TTC7B: variants seen among roughly 807,000 people sequenced by gnomAD.
TTC7B encodes tetratricopeptide repeat domain 7B.
TTC7B carries 28 observed loss-of-function variants against 106.8 expected under a neutral mutation model. The observed-to-expected ratio is 0.26, with a 90% confidence interval of 0.19 to 0.36. TTC7B has a LOEUF of 0.36. TTC7B is among the 10% of genes least tolerant of loss of function. TTC7B has a pLI of 1.00. For missense variants in TTC7B, 862 were observed against 1,076.4 expected (o/e 0.80, Z 2.79); for synonymous variants, 405 against 430.6 (o/e 0.94, Z 0.74).
chr14:90,701,796 G>GTATATATATATATA (rs138397501), intron 5 of TTC7B, among the ~76,000 whole-genome samples: 1 of 118,918 alleles, frequency 8.4e-6, no homozygotes, highest in Admixed American at 8.4e-5. Context: ...GTGTGTGTGT[G>GTATATATATATATA]TATATATATA....
intron 15 of TTC7B, among the ~76,000 whole-genome samples, chr14:90,641,021 G>A (rs1382207883): frequency 1.3e-5 from 2 of 152,144 alleles, no homozygotes; most frequent in Non-Finnish European, 2.9e-5. Flanking sequence ...CCAGAGTAGT[G>A]AGCCTATTTT....
Position 90,807,424 on chromosome 14 carries a change from G to A in TTC7B, c.121+8751C>T, listed in dbSNP as rs2140062621. On this transcript the variant is annotated intron_variant, in intron 1 of 19. Coordinates refer to ENST00000328459, the MANE Select transcript of TTC7B (RefSeq NM_001010854.2). The surrounding 1 kb of genome is among the most constrained non-coding windows in gnomAD (Gnocchi z 4.1). ...TAATCACTTGGGGCCCTGGGATCCT[G>A]CTTCCTGAGTCCCTAAACCACTAAG... Among the ~76,000 whole-genome samples, 1 of 152,324 alleles carries A rather than the reference G, an allele frequency of 6.6e-6. No individual in the cohort carries two copies. The highest frequency in any genetic ancestry group is 2.4e-5 in the African/African-American group (1 of 41,574).
intron 16 of TTC7B, among the ~76,000 whole-genome samples, chr14:90,612,466 G>A (rs1341697464): frequency 1.3e-5 from 2 of 152,242 alleles, no homozygotes; most frequent in East Asian, 3.9e-4. Context: ...ACCACCTTGG[G>A]GATTCCAAGA....
In TTC7B at chr14:90,541,247, A is replaced by C; in HGVS notation, c.*121T>G. 1 of 919,950 alleles carries C rather than the reference A, an allele frequency of 1.1e-6. No individual in the cohort carries two copies. The highest frequency in any genetic ancestry group is 1.6e-6 in the Non-Finnish European group (1 of 632,160). The allele number at this position is 919,950 out of a possible 1,614,324, so 57.0% of individuals were successfully genotyped here. On this transcript the variant is annotated 3_prime_UTR_variant, in exon 20 of 20. Transcript: ENST00000328459. ...TGGTTTGGTTGGTTCACTGTGGCCC[A>C]CTGAACACTCGTCCCTGGCCTCAGT... is the stretch of plus-strand genomic sequence containing the variant.
chr14:90,766,541 T>A (rs1251668335), intron 3 of TTC7B: 5 of 764,552 alleles, frequency 6.5e-6, no homozygotes, highest in African/African-American at 5.1e-5. Context: ...ATGTCTCTAG[T>A]GATCCCTGAA....
intron 7 of TTC7B, among the ~76,000 whole-genome samples, chr14:90,687,467 G>A (rs1411979444): frequency 1.3e-5 from 2 of 152,198 alleles, no homozygotes; most frequent in Non-Finnish European, 2.9e-5. Flanking sequence ...CATACTGGAT[G>A]GCACCCAAAG....
At chr14:90,576,002 G>A (rs542145314) in intron 19 of TTC7B, among the ~76,000 whole-genome samples, 37 of 152,058 alleles carry the variant, frequency 2.4e-4, no homozygotes, top group African/African-American at 8.2e-4. Flanking sequence ...CAGCTCCCTC[G>A]TGCTGGGTCA....
chr14:90,721,206 G>A (rs1435558537), intron 5 of TTC7B, among the ~76,000 whole-genome samples: 1 of 151,700 alleles, frequency 6.6e-6, no homozygotes, highest in Non-Finnish European at 1.5e-5. Context: ...TTTTTCTGCT[G>A]AAACCAAGGA....
chr14:90,699,666 T>G (rs1225064237), intron 5 of TTC7B, among the ~76,000 whole-genome samples: 1 of 152,170 alleles, frequency 6.6e-6, no homozygotes, highest in Non-Finnish European at 1.5e-5. Context: ...ACACAATAAG[T>G]CAACCCAGTA....
chr14:90,765,540 C>A (rs1274592472), intron 3 of TTC7B, among the ~76,000 whole-genome samples: 2 of 152,152 alleles, frequency 1.3e-5, no homozygotes, highest in Non-Finnish European at 2.9e-5. Flanking sequence ...GACTATGAAG[C>A]ACCAGGAATC....
Position 90,541,239 on chromosome 14 carries a change from T to G in TTC7B, c.*129A>C, listed in dbSNP as rs1286595584. On this transcript the variant is annotated 3_prime_UTR_variant, in exon 20 of 20. Transcript: ENST00000328459. The stretch of plus-strand genomic sequence containing the variant: ...TTCGGGGTTGGTTTGGTTGGTTCAC[T>G]GTGGCCCACTGAACACTCGTCCCTG... 15 of 839,878 alleles carry G rather than the reference T, an allele frequency of 1.8e-5. No homozygotes were observed. The allele number at this position is 839,878 out of a possible 1,614,324, so 52.0% of individuals were successfully genotyped here. A position where few individuals can be genotyped will look rare whatever the true frequency, so the allele number is the denominator to read the frequency against.
intron 4 of TTC7B, among the ~76,000 whole-genome samples, chr14:90,738,311 T>C (rs1303995018): frequency 6.6e-6 from 1 of 151,904 alleles, no homozygotes; most frequent in African/African-American, 2.4e-5. Context: ...CAGCCATAGG[T>C]AGAGAAAGTT....
At chr14:90,549,131 A>G (rs1889965152) in intron 19 of TTC7B, among the ~76,000 whole-genome samples, 1 of 151,730 alleles carries the variant, frequency 6.6e-6, no homozygotes, top group Non-Finnish European at 1.5e-5. Flanking sequence ...CCGTCTCAAA[A>G]AAAAAAAAAA....
intron 17 of TTC7B, among the ~76,000 whole-genome samples, chr14:90,601,695 G>A (rs1450984850): frequency 6.6e-6 from 1 of 152,204 alleles, no homozygotes; most frequent in Non-Finnish European, 1.5e-5. Flanking sequence ...GCAGCATGCA[G>A]AGAGCCCTGC....
At chr14:90,752,399 T>G (rs1890165153) in intron 3 of TTC7B, among the ~76,000 whole-genome samples, 1 of 152,198 alleles carries the variant, frequency 6.6e-6, no homozygotes, top group Non-Finnish European at 1.5e-5. Context: ...TCAATACCTC[T>G]GACAGGGAGC....
intron 18 of TTC7B, among the ~76,000 whole-genome samples, chr14:90,580,023 G>A (rs990904440): frequency 1.3e-5 from 2 of 152,296 alleles, no homozygotes; most frequent in African/African-American, 2.4e-5. Context: ...CACCTGCTCC[G>A]AAGCCCTCCT....
chr14:90,549,115 A>G (rs1039926393), intron 19 of TTC7B, among the ~76,000 whole-genome samples: 1 of 150,584 alleles, frequency 6.6e-6, no homozygotes, highest in Non-Finnish European at 1.5e-5. Context: ...GCAACAGAGC[A>G]AGACTCCGTC....
intron 15 of TTC7B, among the ~76,000 whole-genome samples, chr14:90,641,011 C>G (rs913191635): frequency 6.6e-6 from 1 of 152,156 alleles, no homozygotes; most frequent in African/African-American, 2.4e-5. Flanking sequence ...GCCTGCTTCT[C>G]CAGAGTAGTG....
chr14:90,588,792 G>A (rs905994476), intron 18 of TTC7B, among the ~76,000 whole-genome samples: 1 of 149,722 alleles, frequency 6.7e-6, no homozygotes, highest in African/African-American at 2.5e-5. Context: ...CCATAAACAT[G>A]AATAGTTGCT....
Sources: gnomAD v4.1 joint callset for allele counts (sites outside exome capture counted in the v4.1 genomes callset) on GRCh38, gnomAD v4.1.1 for gene constraint, Gnocchi (gnomAD v3.1) non-coding constraint, MANE v1.5 for transcripts, NCBI Gene and HGNC (gene_info 2026-07-23, HGNC 2026-07-21) for gene names.